NPIPB13: variants seen among roughly 807,000 people sequenced by gnomAD.
NPIPB13 encodes the protein nuclear pore complex interacting protein family, member B13.
chr16:30,224,572 T>G (rs200693242), exon 8 of NPIPB13: 4 of 49,018 alleles, frequency 8.2e-5, no homozygotes, highest in South Asian at 4.2e-4. Context: ...CATCGGCTGA[T>G]GGTGGAAGCG....
intron 2 of NPIPB13, among the ~76,000 whole-genome samples, chr16:30,244,589 AAAGAC>A: frequency 1.3e-5 from 1 of 77,152 alleles, no homozygotes; most frequent in Non-Finnish European, 2.5e-5. Flanking sequence ...TATCATTTTA[AAAGAC>A]AAGATAATGT....
intron 2 of NPIPB13, among the ~76,000 whole-genome samples, chr16:30,244,732 CTT>C (rs1483000478): frequency 3.9e-5 from 3 of 77,050 alleles, no homozygotes; most frequent in African/African-American, 9.7e-5. Context: ...GTGGTTAACT[CTT>C]TTATTCAAAG....
At chr16:30,246,496 C>T (rs1387891474), upstream of NPIPB13, among the ~76,000 whole-genome samples, 3 of 122,420 alleles carry the variant, frequency 2.5e-5, no homozygotes, top group East Asian at 7.3e-4. Flanking sequence ...CCTCGCATCC[C>T]CACAGATGGG....
intron 5 of NPIPB13, among the ~76,000 whole-genome samples, chr16:30,228,655 C>CA (rs1567384172): frequency 3.3e-5 from 4 of 120,192 alleles, no homozygotes; most frequent in East Asian, 2.7e-4. Context: ...CATTGAGGGA[C>CA]AAAAAAAAGT....
intron 3 of NPIPB13, among the ~76,000 whole-genome samples, chr16:30,232,387 C>G (rs2073557850): frequency 7.4e-6 from 1 of 135,924 alleles, no homozygotes; most frequent in African/African-American, 2.6e-5. Context: ...TCACTTGAAC[C>G]CAGCAGGAAA....
chr16:30,246,269 G>A (rs1465916335), upstream of NPIPB13, among the ~76,000 whole-genome samples: 3 of 138,296 alleles, frequency 2.2e-5, no homozygotes, highest in African/African-American at 7.9e-5. Context: ...CACAGGAGGG[G>A]CTTGTTAACA....
chr16:30,237,577 T>G (rs113807395), intron 2 of NPIPB13, among the ~76,000 whole-genome samples: 2 of 46,820 alleles, frequency 4.3e-5, no homozygotes, highest in African/African-American at 1.5e-4. Context: ...ATTAATTCCA[T>G]TAGACTCTTA....
chr16:30,232,643 G>C, intron 3 of NPIPB13, among the ~76,000 whole-genome samples: 1 of 54,916 alleles, frequency 1.8e-5, no homozygotes, highest in Non-Finnish European at 5.1e-5. Flanking sequence ...ATGCACGCCT[G>C]TAGTCCCAGC....
intron 2 of NPIPB13, among the ~76,000 whole-genome samples, chr16:30,240,859 GCT>G (rs2073587469): frequency 1.4e-5 from 1 of 69,424 alleles, no homozygotes; most frequent in Non-Finnish European, 3.1e-5. Flanking sequence ...TGGGTGGGGA[GCT>G]CCAAGCAGGT....
rs1435179948 is a variant in NPIPB13, at chr16:30,244,861, T to TC, written c.120+592_120+593insG. On this transcript the variant is annotated intron_variant, in intron 2 of 7. Transcript: ENST00000520915. The stretch of plus-strand genomic sequence containing the variant: ...TCAAATTTTGCAGGATAATTTTTTT[T>TC]TTTTTTTGACAGAGTCTCGCTCTGT... 7.0e-5 allele frequency among the ~76,000 whole-genome samples: 8 copies of TC among 114,950 alleles called. No individual in the cohort carries two copies. In the Admixed American group the frequency reaches 7.2e-4, roughly 10 times the overall value. The allele number at this position is 114,950 out of a possible 152,430, so 75.4% of individuals were successfully genotyped here.
upstream of NPIPB13, among the ~76,000 whole-genome samples, chr16:30,246,411 C>G (rs1481035025): frequency 1.3e-5 from 2 of 151,772 alleles, no homozygotes; most frequent in Non-Finnish European, 3.0e-5. Context: ...AGGTCCAAGA[C>G]TGGGTAGTTC....
chr16:30,237,925 TAAGA>T (rs1190244759), intron 2 of NPIPB13, among the ~76,000 whole-genome samples: 6 of 77,100 alleles, frequency 7.8e-5, no homozygotes, highest in Non-Finnish European at 1.6e-4. Context: ...TAACCTATGA[TAAGA>T]AAGAGACTGG....
intron 2 of NPIPB13, among the ~76,000 whole-genome samples, chr16:30,241,215 C>T (rs1265719138): frequency 1.1e-3 from 93 of 84,466 alleles, no homozygotes; most frequent in Middle Eastern, 5.4e-3. Flanking sequence ...TTTGGGAGGC[C>T]GAGGTGGGCG....
chr16:30,232,766 A>C (rs1222145885), intron 3 of NPIPB13, among the ~76,000 whole-genome samples: 1 of 41,866 alleles, frequency 2.4e-5, no homozygotes, highest in African/African-American at 5.2e-5. Flanking sequence ...ATCCGTCTCA[A>C]AAAAAAAAAA....
intron 2 of NPIPB13, among the ~76,000 whole-genome samples, chr16:30,237,439 C>T (rs910795227): frequency 5.5e-4 from 6 of 10,972 alleles, no homozygotes; most frequent in South Asian, 3.2e-3. Flanking sequence ...GAGCCGAGAT[C>T]GCACCACTGC....
intron 2 of NPIPB13, among the ~76,000 whole-genome samples, chr16:30,236,274 ACT>A (rs2151073952): frequency 1.0e-5 from 1 of 96,996 alleles, no homozygotes; most frequent in East Asian, 3.4e-4. Context: ...ATGGGGTCTC[ACT>A]CTGTCACCCA....
intron 2 of NPIPB13, among the ~76,000 whole-genome samples, chr16:30,244,341 G>GGT (rs2073600348): frequency 9.8e-6 from 1 of 102,492 alleles, no homozygotes; most frequent in Non-Finnish European, 2.1e-5. Flanking sequence ...TGGGCATGGT[G>GGT]GCACACACCT....
At chr16:30,238,298 AT>A in intron 2 of NPIPB13, among the ~76,000 whole-genome samples, 11 of 111,584 alleles carry the variant, frequency 9.9e-5, no homozygotes, top group African/African-American at 3.9e-4. Flanking sequence ...AAATAAATAA[AT>A]AAATAAAATA....
At chr16:30,232,539 A>G (rs75035928) in intron 3 of NPIPB13, among the ~76,000 whole-genome samples, 69,540 of 83,778 alleles carry the variant, frequency 0.83, 28,026 homozygotes, top group Non-Finnish European at 0.96. Context: ...AGGCCGAGGC[A>G]GGTGAATCAC....
Sources: gnomAD v4.1 joint callset for allele counts (sites outside exome capture counted in the v4.1 genomes callset) on GRCh38, gnomAD v4.1.1 for gene constraint, MANE v1.5 for transcripts, NCBI Gene and HGNC (gene_info 2026-07-23, HGNC 2026-07-21) for gene names.